ZC3H3: variants seen among roughly 807,000 people sequenced by gnomAD.
ZC3H3 encodes the protein zinc finger CCCH-type containing 3.
ZC3H3 carries 36 observed loss-of-function variants against 77.3 expected under a neutral mutation model. The ratio of observed to expected loss-of-function variants is 0.47; its 90% confidence interval spans 0.36 to 0.61. The LOEUF (loss-of-function observed/expected upper bound fraction) is 0.61. ZC3H3 is among the 20% of genes least tolerant of loss of function. The probability of loss-of-function intolerance (pLI) is 0.00; values close to 1 mark genes in which losing one functional copy is unlikely to be tolerated. For missense variants in ZC3H3, 1,331 were observed against 1,312.2 expected, an observed-to-expected ratio of 1.01 and a Z score of -0.22; for synonymous variants, 626 against 555.2, an observed-to-expected ratio of 1.13 and a Z score of -1.79.
At chr8:143,508,695 G>T (rs1273759886) in intron 3 of ZC3H3, among the ~76,000 whole-genome samples, 1 of 152,024 alleles carries the variant, frequency 6.6e-6, no homozygotes, top group African/African-American at 2.4e-5. Context: ...GCAGCCCAAG[G>T]CTCAGGGGCT....
intron 3 of ZC3H3, among the ~76,000 whole-genome samples, chr8:143,523,067 GAC>G (rs1467416754): frequency 2.0e-5 from 3 of 152,204 alleles, no homozygotes; most frequent in Admixed American, 6.5e-5. Context: ...AGGGGCTAGT[GAC>G]GGGGCAATCT....
intron 4 of ZC3H3, among the ~76,000 whole-genome samples, chr8:143,499,333 G>A (rs2130394497): frequency 6.6e-6 from 1 of 152,182 alleles, no homozygotes; most frequent in East Asian, 1.9e-4. Context: ...AGCATGGTGG[G>A]AGCCGGGAAG....
At chr8:143,504,672 C>T (rs57110160) in intron 4 of ZC3H3, among the ~76,000 whole-genome samples, 2,743 of 152,294 alleles carry the variant, frequency 0.018, 87 homozygotes, top group African/African-American at 0.062. Flanking sequence ...TGCTCAGCCA[C>T]TCCCAGCACC....
rs1324598742 is a variant in ZC3H3 at position 143,462,174 on chromosome 8, C to T, written c.2307+3543G>A. Among the ~76,000 whole-genome samples, 1 of 152,116 alleles carries T rather than the reference C, an allele frequency of 6.6e-6. No individual in the cohort carries two copies. The highest frequency in any genetic ancestry group is 2.4e-5 in the African/African-American group (1 of 41,402). ...CAGGACACTGCCAGGCCCACTGTGG[C>T]CCCCTGAAGAGTCGCCACGACCCTC... On this transcript the variant is annotated intron_variant, in intron 9 of 11. Coordinates refer to ENST00000262577, the MANE Select transcript of ZC3H3 (RefSeq NM_015117.3). This position sits in a 1 kb window ranked among gnomAD's most constrained non-coding sequence, Gnocchi z 4.7.
intron 9 of ZC3H3, among the ~76,000 whole-genome samples, chr8:143,463,462 G>A (rs1221324198): frequency 6.6e-6 from 1 of 152,214 alleles, no homozygotes; most frequent in African/African-American, 2.4e-5. Context: ...AATGGACACA[G>A]CCGGACACAC....
chr8:143,489,752 G>A (rs1172814973), intron 4 of ZC3H3, among the ~76,000 whole-genome samples: 2 of 152,314 alleles, frequency 1.3e-5, no homozygotes, highest in Admixed American at 6.5e-5. Context: ...CCATTTTTCC[G>A]GTGGAGGCTC....
At chr8:143,505,165 A>T (rs1375706207) in intron 4 of ZC3H3, among the ~76,000 whole-genome samples, 1 of 152,092 alleles carries the variant, frequency 6.6e-6, no homozygotes, top group Non-Finnish European at 1.5e-5. Context: ...CCCTCCAGGG[A>T]TGGGAGAGGG....
intron 9 of ZC3H3, among the ~76,000 whole-genome samples, chr8:143,442,304 C>G (rs13272031): frequency 0.63 from 95,374 of 151,450 alleles, 30,253 homozygotes; most frequent in African/African-American, 0.66. Flanking sequence ...CTCTACACAG[C>G]GCCTCGCAGT....
At chr8:143,506,418 C>A (rs1459380555) in intron 4 of ZC3H3, among the ~76,000 whole-genome samples, 1 of 152,094 alleles carries the variant, frequency 6.6e-6, no homozygotes, top group Non-Finnish European at 1.5e-5. Flanking sequence ...GACTCCCGAT[C>A]ACAGTGATTT....
At chr8:143,469,061 AC>A (rs1325756228) in intron 5 of ZC3H3, among the ~76,000 whole-genome samples, 1 of 152,120 alleles carries the variant, frequency 6.6e-6, no homozygotes, top group African/African-American at 2.4e-5. Flanking sequence ...GCTGGCTGGA[AC>A]CCCCCTGCTG....
chr8:143,537,358 G>A (rs748055374), intron 2 of ZC3H3, among the ~76,000 whole-genome samples: 9 of 152,206 alleles, frequency 5.9e-5, no homozygotes, highest in Non-Finnish European at 1.0e-4. Context: ...GGAGGCCACA[G>A]AGCCCAAAGC....
chr8:143,440,549 C>A (rs1819713203), intron 10 of ZC3H3, among the ~76,000 whole-genome samples, 186 bp from the exon 11 acceptor site: 1 of 152,162 alleles, frequency 6.6e-6, no homozygotes, highest in Non-Finnish European at 1.5e-5. Flanking sequence ...ATGGCCCCAG[C>A]TCCACACCGA....
chr8:143,448,262 C>T (rs571891735), intron 9 of ZC3H3, among the ~76,000 whole-genome samples: 7 of 150,796 alleles, frequency 4.6e-5, no homozygotes, highest in South Asian at 4.2e-4. Flanking sequence ...GCCAAGATAG[C>T]ACCATTGCAC....
intron 3 of ZC3H3, among the ~76,000 whole-genome samples, chr8:143,514,991 C>T (rs550801790): frequency 2.5e-3 from 386 of 152,364 alleles, no homozygotes; most frequent in African/African-American, 8.0e-3. Context: ...CCGGCCAGTG[C>T]CCCCACCATC....
Position 143,453,711 on chromosome 8 carries a change from C to T in ZC3H3, c.2307+12006G>A, listed in dbSNP as rs560305360. 2.0e-5 allele frequency among the ~76,000 whole-genome samples: 3 copies of T among 152,146 alleles called. No individual in the cohort carries two copies. The South Asian group carries it at 6.2e-4, about 31-fold the overall frequency. On this transcript the variant is annotated intron_variant, in intron 9 of 11. Transcript: ENST00000262577. Reference sequence around the variant, plus strand: ...TAAGCAAAAATATGGATAAACATACCAGACTTTCCATCTCTTCCCCAGTTT... The same window carrying T: ...TAAGCAAAAATATGGATAAACATACTAGACTTTCCATCTCTTCCCCAGTTT...
At chr8:143,444,339 T>C (rs1379193444) in intron 9 of ZC3H3, among the ~76,000 whole-genome samples, 1 of 152,158 alleles carries the variant, frequency 6.6e-6, no homozygotes, top group East Asian at 1.9e-4. Context: ...AAGTCCACTG[T>C]ATAGAAAAAC....
At chr8:143,442,954 C>T (rs189358042) in intron 9 of ZC3H3, among the ~76,000 whole-genome samples, 1 of 152,274 alleles carries the variant, frequency 6.6e-6, no homozygotes, top group African/African-American at 2.4e-5. Flanking sequence ...TCCTGCAGAA[C>T]ACAACCAAAT....
intron 3 of ZC3H3, among the ~76,000 whole-genome samples, chr8:143,512,079 G>C (rs1384964096): frequency 6.6e-6 from 1 of 152,236 alleles, no homozygotes; most frequent in Admixed American, 6.5e-5. Context: ...TGACAGCAGC[G>C]AGCGGCCAGG....
chr8:143,517,391 G>A (rs1477329732), intron 3 of ZC3H3, among the ~76,000 whole-genome samples: 1 of 152,190 alleles, frequency 6.6e-6, no homozygotes, highest in Non-Finnish European at 1.5e-5. Flanking sequence ...CACAGGCCTT[G>A]GGCAGGGGTG....
Sources: gnomAD v4.1 joint callset for allele counts (sites outside exome capture counted in the v4.1 genomes callset) on GRCh38, gnomAD v4.1.1 for gene constraint, Gnocchi (gnomAD v3.1) non-coding constraint, MANE v1.5 for transcripts, NCBI Gene and HGNC (gene_info 2026-07-23, HGNC 2026-07-21) for gene names.